Variants in DLGAP2 observed in about 807,000 individuals in gnomAD.
DLGAP2 encodes DLG associated protein 2, also known as disks large-associated protein 2.
Under a neutral mutation model 100.3 loss-of-function variants are expected in DLGAP2, and 26 were observed. That is an observed-to-expected ratio of 0.26 (90% CI 0.19 to 0.36). The LOEUF (loss-of-function observed/expected upper bound fraction) is 0.36, where lower values mean the gene tolerates loss of function less well. DLGAP2 is among the 10% of genes least tolerant of loss of function. The pLI is 1.00. For synonymous variants in DLGAP2, 886 were observed against 630.1 expected (o/e 1.41, Z -6.08); for missense variants, 1,858 against 1,453.2 (o/e 1.28, Z -4.53).
Position 955,787 on chromosome 8 carries a change from C to T in DLGAP2, c.73+47821C>T, listed in dbSNP as rs1799583370. On this transcript the variant is annotated intron_variant, in intron 2 of 14. Coordinates refer to ENST00000637795, the MANE Select transcript of DLGAP2 (RefSeq NM_001346810.2). ...CCGGCTTGGGAAGAATGGACATATT[C>T]CCAATATCTTACCTTGTTGAACAAA... 2.0e-5 allele frequency among the ~76,000 whole-genome samples: 3 copies of T among 152,166 alleles called. No homozygotes were observed. In the South Asian group the frequency reaches 6.2e-4, roughly 32 times the overall value.
At chr8:1,459,205 C>G (rs1798403670) in intron 3 of DLGAP2, among the ~76,000 whole-genome samples, 38 of 150,100 alleles carry the variant, frequency 2.5e-4, no homozygotes, top group Non-Finnish European at 4.5e-4. Context: ...GCGTAGACCC[C>G]AGGGGTCACC....
intron 2 of DLGAP2, among the ~76,000 whole-genome samples, chr8:1,059,918 C>T (rs1037989534): frequency 3.9e-5 from 6 of 152,068 alleles, no homozygotes; most frequent in African/African-American, 1.4e-4. Context: ...GGGCATGGAT[C>T]GGGGGTATTC....
intron 2 of DLGAP2, among the ~76,000 whole-genome samples, chr8:1,179,919 G>A (rs1455779578): frequency 1.3e-5 from 2 of 152,184 alleles, no homozygotes; most frequent in African/African-American, 4.8e-5. Flanking sequence ...ACGAGTAGAT[G>A]GGAAATTAAA....
At chr8:1,155,355 G>A (rs1038950369) in intron 2 of DLGAP2, among the ~76,000 whole-genome samples, 4 of 152,194 alleles carry the variant, frequency 2.6e-5, no homozygotes, top group Non-Finnish European at 5.9e-5. Context: ...AGGGGCATCC[G>A]GGCTGGGGGG....
At position 1,441,053 on chromosome 8, in the gene DLGAP2, C is replaced by T. The variant is rs139577215; in HGVS notation, c.107-60313C>T. ...AACATTTGTGGTTGTGTTTTCAAGG[C>T]AGAAAAGATGCTGAAGGGAAAAGTC... On this transcript the variant is annotated intron_variant, in intron 3 of 14. Coordinates refer to ENST00000637795, the MANE Select transcript of DLGAP2 (RefSeq NM_001346810.2). Among the ~76,000 whole-genome samples, 7 of 152,204 alleles carry T rather than the reference C, an allele frequency of 4.6e-5. No individual in the cohort carries two copies. The East Asian group carries it at 7.7e-4, about 17-fold the overall frequency.
intron 8 of DLGAP2, among the ~76,000 whole-genome samples, chr8:1,657,727 A>G (rs959971069): frequency 2.6e-5 from 4 of 152,262 alleles, no homozygotes; most frequent in Admixed American, 1.3e-4. Context: ...GTTAATCTCT[A>G]TATCAAAATC....
At chr8:1,139,622 G>C (rs1490980127) in intron 2 of DLGAP2, among the ~76,000 whole-genome samples, 1 of 152,282 alleles carries the variant, frequency 6.6e-6, no homozygotes, top group Admixed American at 6.5e-5. Flanking sequence ...TGGCAAGTAG[G>C]AAGCCCACAG....
intron 3 of DLGAP2, among the ~76,000 whole-genome samples, chr8:1,429,335 G>T (rs1175515069): frequency 6.6e-6 from 1 of 152,098 alleles, no homozygotes; most frequent in Non-Finnish European, 1.5e-5. Context: ...AAAGTGCTGG[G>T]GCCATCCCAG....
At chr8:893,051 C>CGG (rs1798068575) in intron 1 of DLGAP2, 1 of 152,170 alleles carries the variant, frequency 6.6e-6, no homozygotes, top group South Asian at 2.1e-4. Context: ...GAGGAAAGCC[C>CGG]GGGGCTAAAG....
chr8:1,317,856 A>G (rs75568777), intron 3 of DLGAP2, among the ~76,000 whole-genome samples: 7 of 134,586 alleles, frequency 5.2e-5, no homozygotes, highest in Non-Finnish European at 9.5e-5. Context: ...CGAGACACTC[A>G]GCAGCTTTTA....
chr8:1,084,937 C>G (rs1803925735), intron 2 of DLGAP2, among the ~76,000 whole-genome samples: 2 of 152,212 alleles, frequency 1.3e-5, no homozygotes, highest in African/African-American at 4.8e-5. Context: ...TCCTGAGACA[C>G]CTTCGTACTG....
At chr8:1,645,272 C>G (rs1241822675) in intron 8 of DLGAP2, among the ~76,000 whole-genome samples, 1 of 152,146 alleles carries the variant, frequency 6.6e-6, no homozygotes, top group African/African-American at 2.4e-5. Flanking sequence ...CTCTGAGTGC[C>G]CACACAACCA....
At chr8:824,566 C>T (rs550912638) in intron 1 of DLGAP2, among the ~76,000 whole-genome samples, 3 of 152,222 alleles carry the variant, frequency 2.0e-5, no homozygotes, top group African/African-American at 7.2e-5. Context: ...CCACCCCCAC[C>T]TGTGTTCCCC....
chr8:823,496 T>C (rs76228071), intron 1 of DLGAP2, among the ~76,000 whole-genome samples: 6,521 of 152,166 alleles, frequency 0.043, 215 homozygotes, highest in Non-Finnish European at 0.068. Flanking sequence ...TCTGGTGTGT[T>C]TAAGCAGAAG....
At chr8:1,261,883 G>C (rs947688570) in intron 3 of DLGAP2, among the ~76,000 whole-genome samples, 2 of 152,218 alleles carry the variant, frequency 1.3e-5, no homozygotes, top group Non-Finnish European at 2.9e-5. Flanking sequence ...ACTCATAAAT[G>C]TCATGGCACA....
At chr8:1,138,261 G>C (rs1011074973) in intron 2 of DLGAP2, among the ~76,000 whole-genome samples, 2 of 152,192 alleles carry the variant, frequency 1.3e-5, no homozygotes, top group African/African-American at 4.8e-5. Context: ...AGCATCGCAG[G>C]AGCCTAGGTT....
intron 4 of DLGAP2, among the ~76,000 whole-genome samples, chr8:1,519,046 G>C (rs937967336): frequency 1.5e-4 from 23 of 152,210 alleles, no homozygotes; most frequent in Non-Finnish European, 2.5e-4. Context: ...ACGAGCCACA[G>C]ATAGGAGCCT....
intron 5 of DLGAP2, among the ~76,000 whole-genome samples, chr8:1,553,034 C>T (rs1390533080): frequency 6.6e-6 from 1 of 152,198 alleles, no homozygotes; most frequent in East Asian, 1.9e-4. Context: ...GCTCTCTATG[C>T]CACAGTCCAC....
intron 2 of DLGAP2, among the ~76,000 whole-genome samples, chr8:1,193,979 C>A (rs545975594): frequency 6.6e-6 from 1 of 152,114 alleles, no homozygotes; most frequent in Non-Finnish European, 1.5e-5. Context: ...GGAAGGAAGT[C>A]GTAGTATCTG....
Sources: gnomAD v4.1 joint callset for allele counts (sites outside exome capture counted in the v4.1 genomes callset) on GRCh38, gnomAD v4.1.1 for gene constraint, MANE v1.5 for transcripts, NCBI Gene and HGNC (gene_info 2026-07-23, HGNC 2026-07-21) for gene names.